NSMCE2: variants seen among roughly 807,000 people sequenced by gnomAD.
NSMCE2 encodes the protein NSE2 SUMO ligase component of SMC5/6 complex.
Under a neutral mutation model 23.8 loss-of-function variants are expected in NSMCE2, and 24 were observed. The observed-to-expected ratio is 1.01, with a 90% CI of 0.73 to 1.42. The LOEUF (loss-of-function observed/expected upper bound fraction) is 1.42. NSMCE2 is among the 40% of genes most tolerant of loss of function. NSMCE2 has a pLI of 0.00. For synonymous variants in NSMCE2, 92 were observed against 94.1 expected, an observed-to-expected ratio of 0.98 and a Z score of 0.13; for missense variants, 284 against 296.5, an observed-to-expected ratio of 0.96 and a Z score of 0.31.
At chr8:125,156,506 C>T (rs1821319144) in intron 4 of NSMCE2, among the ~76,000 whole-genome samples, 1 of 152,024 alleles carries the variant, frequency 6.6e-6, no homozygotes, top group African/African-American at 2.4e-5. Flanking sequence ...TACTAGAAGC[C>T]TGGTGAGGGA....
chr8:125,217,605 A>T (rs1310118075), intron 5 of NSMCE2, among the ~76,000 whole-genome samples: 1 of 152,058 alleles, frequency 6.6e-6, no homozygotes, highest in Non-Finnish European at 1.5e-5. Context: ...TGACCTCGTG[A>T]TCCACCTGCC....
intron 5 of NSMCE2, among the ~76,000 whole-genome samples, chr8:125,356,169 G>C (rs965887253): frequency 2.6e-5 from 4 of 151,502 alleles, no homozygotes; most frequent in African/African-American, 9.7e-5. Context: ...TATGAAGCCA[G>C]ACATTCAAGA....
intron 5 of NSMCE2, among the ~76,000 whole-genome samples, chr8:125,198,975 A>G (rs1823748654): frequency 6.6e-6 from 1 of 152,130 alleles, no homozygotes; most frequent in African/African-American, 2.4e-5. Flanking sequence ...TTATTTGTGT[A>G]GAGGTGTTTA....
chr8:125,229,795 A>G lies in NSMCE2; in HGVS notation c.418+47539A>G, dbSNP rs553421208. On this transcript the variant is annotated intron_variant, in intron 5 of 7. Coordinates refer to ENST00000287437, the MANE Select transcript of NSMCE2 (RefSeq NM_173685.4). ...TTGTTTTAGTGTTTTATTATTTGATAGATGATAAATGATGACTTATCATTT... is the reference window on the plus strand; with the variant it reads ...TTGTTTTAGTGTTTTATTATTTGATGGATGATAAATGATGACTTATCATTT... Among the ~76,000 whole-genome samples the G allele has an allele frequency of 3.9e-5, 6 of 152,284 alleles. No individual in the cohort carries two copies. In the Middle Eastern group the frequency reaches 0.01, roughly 259 times the overall value.
intron 5 of NSMCE2, among the ~76,000 whole-genome samples, chr8:125,316,704 TTCC>T (rs879661064): frequency 0.17 from 22,492 of 132,206 alleles, 3,262 homozygotes; most frequent in Non-Finnish European, 0.22. Flanking sequence ...CTTTCCTTCC[TTCC>T]TTCTTTCCTT....
chr8:125,256,281 CA>C (rs113772162), intron 5 of NSMCE2, among the ~76,000 whole-genome samples: 304 of 76,230 alleles, frequency 4.0e-3, no homozygotes, highest in African/African-American at 8.9e-3. Context: ...GACTCCGTCT[CA>C]AAAAAAAAAA....
At chr8:125,270,470 A>G (rs1827132676) in intron 5 of NSMCE2, 1 of 152,284 alleles carries the variant, frequency 6.6e-6, no homozygotes, top group Non-Finnish European at 1.5e-5. Flanking sequence ...GTCTCAAAGC[A>G]AAAAACAAAA....
rs71295840 is a variant in NSMCE2, at chr8:125,324,468, CAA to C, written c.419-32738_419-32737del. On this transcript the variant is annotated intron_variant, in intron 5 of 7. Coordinates refer to ENST00000287437, the MANE Select transcript of NSMCE2 (RefSeq NM_173685.4). ...GTCATATCCACAGAATACTACTCAG[CAA>C]AAAAAAAAAAAATGAGGACTATTGA... Among the ~76,000 whole-genome samples the C allele has an allele frequency of 8.3e-4, 88 of 106,474 alleles. 1 individual carries two copies. The highest frequency in any genetic ancestry group is 7.1e-3 in the East Asian group (28 of 3,940). 69.9% of individuals were successfully genotyped at this position (106,474 alleles called of 152,430 possible). A position where few individuals can be genotyped will look rare whatever the true frequency, so the allele number is the denominator to read the frequency against.
intron 5 of NSMCE2, among the ~76,000 whole-genome samples, chr8:125,229,291 A>G (rs1026224243): frequency 6.6e-6 from 1 of 152,240 alleles, no homozygotes; most frequent in African/African-American, 2.4e-5. Context: ...AACTGAAAGC[A>G]GTGAAGGCAA....
At chr8:125,198,141 A>G (rs990509848) in intron 5 of NSMCE2, among the ~76,000 whole-genome samples, 2 of 152,186 alleles carry the variant, frequency 1.3e-5, no homozygotes, top group African/African-American at 4.8e-5. Flanking sequence ...AAACAGGGAC[A>G]ATTTGGCTTC....
chr8:125,291,829 G>A (rs1828116191), intron 5 of NSMCE2, among the ~76,000 whole-genome samples: 2 of 152,044 alleles, frequency 1.3e-5, no homozygotes, highest in South Asian at 2.1e-4. Flanking sequence ...TAACTAACAG[G>A]AGTTTCTATA....
At chr8:125,289,729 T>A (rs186208814) in intron 5 of NSMCE2, among the ~76,000 whole-genome samples, 336 of 152,336 alleles carry the variant, frequency 2.2e-3, no homozygotes, top group African/African-American at 7.7e-3. Context: ...TACCTCGAAT[T>A]TAAAGCTTAG....
intron 4 of NSMCE2, among the ~76,000 whole-genome samples, chr8:125,166,788 T>C (rs1442320383): frequency 6.6e-6 from 1 of 152,146 alleles, no homozygotes; most frequent in Non-Finnish European, 1.5e-5. Flanking sequence ...TTAGAGTGCC[T>C]CAATAAGAAA....
intron 7 of NSMCE2, among the ~76,000 whole-genome samples, chr8:125,365,994 A>C (rs187759331): frequency 1.1e-4 from 16 of 152,296 alleles, no homozygotes; most frequent in Admixed American, 1.0e-3. Flanking sequence ...CCAAGCTGGA[A>C]CGTCCTCAGC....
chr8:125,148,877 CTAAA>C (rs777090223), intron 3 of NSMCE2, among the ~76,000 whole-genome samples: 14 of 152,194 alleles, frequency 9.2e-5, no homozygotes, highest in Non-Finnish European at 1.8e-4. Flanking sequence ...AGTAAAATGC[CTAAA>C]TAAATTACAA....
chr8:125,130,935 T>C (rs1039321294), intron 3 of NSMCE2, among the ~76,000 whole-genome samples: 44 of 152,232 alleles, frequency 2.9e-4, no homozygotes, highest in African/African-American at 1.0e-3. Flanking sequence ...TATTAGCCTG[T>C]GCTTCTGTGA....
intron 3 of NSMCE2, among the ~76,000 whole-genome samples, chr8:125,106,693 A>C (rs934399554): frequency 4.6e-5 from 7 of 150,954 alleles, no homozygotes; most frequent in East Asian, 2.0e-4. Flanking sequence ...TCAAAAAAAA[A>C]AAACAAACAA....
At chr8:125,103,661 A>G (rs536940367) in intron 3 of NSMCE2, among the ~76,000 whole-genome samples, 1 of 152,104 alleles carries the variant, frequency 6.6e-6, no homozygotes, top group East Asian at 1.9e-4. Flanking sequence ...AACTTGATAG[A>G]TTTTTTCCAG....
At chr8:125,228,379 A>G (rs1280524724) in intron 5 of NSMCE2, among the ~76,000 whole-genome samples, 1 of 152,248 alleles carries the variant, frequency 6.6e-6, no homozygotes, top group African/African-American at 2.4e-5. Context: ...CTAGAAGCTT[A>G]CAATTCAGTG....
Sources: allele counts gnomAD v4.1 joint callset (sites outside exome capture counted in the v4.1 genomes callset), GRCh38; gene constraint gnomAD v4.1.1; transcripts MANE v1.5; gene names NCBI Gene and HGNC (gene_info 2026-07-23, HGNC 2026-07-21).